KDM2B: variants seen among roughly 807,000 people sequenced by gnomAD.
KDM2B encodes lysine-specific demethylase 2B.
A neutral mutation model predicts 150.0 loss-of-function variants in KDM2B; 26 were observed. The ratio of observed to expected loss-of-function variants is 0.17; its 90% CI spans 0.13 to 0.24. The LOEUF is 0.24. KDM2B is among the 10% of genes least tolerant of loss of function. The pLI, the probability that KDM2B is intolerant of heterozygous loss-of-function variation, is 1.00. For synonymous variants in KDM2B, 734 were observed against 729.5 expected, an observed-to-expected ratio of 1.01 and a Z score of -0.10; for missense variants, 1,265 against 1,816.9, an observed-to-expected ratio of 0.70 and a Z score of 5.52.
chr12:121,439,471 C>CTTT (rs1555287595), intron 22 of KDM2B, among the ~76,000 whole-genome samples: 1 of 138,208 alleles, frequency 7.2e-6, no homozygotes, highest in African/African-American at 2.6e-5. Context: ...ACCTCCACTG[C>CTTT]CAGTTTCAAG....
chr12:121,471,913 G>A (rs1457073771), intron 12 of KDM2B, among the ~76,000 whole-genome samples: 5 of 152,176 alleles, frequency 3.3e-5, no homozygotes, highest in African/African-American at 9.7e-5. Context: ...CTTGAGGTCA[G>A]GAGTTCGAGA....
intron 22 of KDM2B, among the ~76,000 whole-genome samples, chr12:121,435,832 A>G (rs1873889408): frequency 6.6e-6 from 1 of 152,198 alleles, no homozygotes; most frequent in African/African-American, 2.4e-5. Flanking sequence ...AGGTTTCACC[A>G]AAGAAACGAC....
chr12:121,516,535 C>T, intron 9 of KDM2B: 1 of 1,432,060 alleles, frequency 7.0e-7, no homozygotes, highest in Non-Finnish European at 9.2e-7. Flanking sequence ...GGACATTAAA[C>T]ATACGGTTGC....
chr12:121,413,346 C>T, the KDM2B span, among the ~76,000 whole-genome samples: 12 of 151,156 alleles, frequency 7.9e-5, no homozygotes, highest in South Asian at 2.3e-3. Flanking sequence ...TGCTTTTAAG[C>T]ACACCATGGC....
chr12:121,483,298 A>G (rs1369991936), intron 12 of KDM2B, among the ~76,000 whole-genome samples: 3 of 151,804 alleles, frequency 2.0e-5, no homozygotes, highest in Non-Finnish European at 4.4e-5. Context: ...AACACACACC[A>G]AAGACAAGCT....
At chr12:121,428,853 G>A (rs1434099949), downstream of KDM2B, among the ~76,000 whole-genome samples, 1 of 152,168 alleles carries the variant, frequency 6.6e-6, no homozygotes, top group Admixed American at 6.5e-5. Flanking sequence ...CAAATCTGGC[G>A]AACTTTTAGG....
chr12:121,464,438 G>A (rs997974215), intron 12 of KDM2B, among the ~76,000 whole-genome samples: 3 of 152,208 alleles, frequency 2.0e-5, no homozygotes, highest in Non-Finnish European at 2.9e-5. Context: ...CGCTCACCGC[G>A]GGCCCATCCC....
Position 121,509,791 on chromosome 12 carries a change from T to C in KDM2B, c.1423A>G (p.Asn475Asp), listed in dbSNP as rs782482206. 3.7e-6 allele frequency: 6 copies of C among 1,614,138 alleles called. No individual in the cohort carries two copies. The South Asian group carries it at 5.5e-5, about 15-fold the overall frequency. Reference sequence around the variant, plus strand: ...GACTTCACACTTTCCTCCGACTCATTAGACAAAGTCCTTTTGAGGAATCGC... The same window carrying C: ...GACTTCACACTTTCCTCCGACTCATCAGACAAAGTCCTTTTGAGGAATCGC... ...ALRFLKRTLS[N>D]ESEESVKSTT... Residue 475 changes from asparagine to aspartate, a missense_variant, in exon 11 of 23, where the codon AAT becomes GAT. Transcript: ENST00000377071.
chr12:121,443,061 G>A, intron 17 of KDM2B, 31 bp from the exon 18 acceptor site: 1 of 1,592,394 alleles, frequency 6.3e-7, no homozygotes, highest in Middle Eastern at 1.7e-4. Context: ...CGCAGAGCTT[G>A]CTCCCCGGGC....
chr12:121,423,765 T>G, the KDM2B span: 2 of 569,714 alleles, frequency 3.5e-6, no homozygotes, highest in Non-Finnish European at 6.1e-6. This position sits in a 1 kb window ranked among gnomAD's most constrained non-coding sequence, Gnocchi z 4.3. Flanking sequence ...CCTGTCTGCC[T>G]GTGGACACGT....
At chr12:121,423,956 C>T in the KDM2B span, 1 of 174,108 alleles carries the variant, frequency 5.7e-6, no homozygotes, top group Non-Finnish European at 1.2e-5. The surrounding 1 kb of genome is among the most constrained non-coding windows in gnomAD (Gnocchi z 4.3). Context: ...CTTCTGTCCT[C>T]TTTGGATGAG....
chr12:121,576,827 A>G (rs952239204), intron 2 of KDM2B, among the ~76,000 whole-genome samples: 6 of 152,346 alleles, frequency 3.9e-5, no homozygotes, highest in South Asian at 2.1e-4. Flanking sequence ...AGGGAGAAGA[A>G]GAGGCCTCAG....
intron 22 of KDM2B, among the ~76,000 whole-genome samples, chr12:121,436,883 G>A (rs1035629277): frequency 2.6e-5 from 4 of 152,250 alleles, no homozygotes; most frequent in African/African-American, 7.2e-5. Flanking sequence ...GAAGGCAGAA[G>A]ATGGTGGAGC....
intron 4 of KDM2B, 60 bp downstream of exon 4, chr12:121,574,487 C>G (rs1356195861): frequency 1.4e-5 from 21 of 1,535,352 alleles, no homozygotes; most frequent in Non-Finnish European, 1.9e-5. Flanking sequence ...AGGTGGTGAC[C>G]GCCTCTTTCC....
At chr12:121,413,020 ATT>A in the KDM2B span, among the ~76,000 whole-genome samples, 1 of 133,730 alleles carries the variant, frequency 7.5e-6, no homozygotes, top group South Asian at 2.4e-4. Flanking sequence ...TGCCCAGGCT[ATT>A]TTTTTTTTCC....
the KDM2B span, among the ~76,000 whole-genome samples, chr12:121,421,887 A>G: frequency 1.3e-5 from 2 of 152,186 alleles, no homozygotes; most frequent in African/African-American, 4.8e-5. Context: ...GTCCTTTAAA[A>G]GCTGGTTATA....
the KDM2B span, chr12:121,415,207 G>C: frequency 9.2e-6 from 2 of 217,862 alleles, no homozygotes; most frequent in South Asian, 5.2e-5. Flanking sequence ...AAAAAATCTA[G>C]AGAGAGTTTC....
chr12:121,426,712 G>A (rs937318266), downstream of KDM2B, among the ~76,000 whole-genome samples: 17 of 144,640 alleles, frequency 1.2e-4, no homozygotes, highest in African/African-American at 2.3e-4. Context: ...CGCAACCTCC[G>A]CTTCCCAGGT....
chr12:121,558,450 TTTTTC>T (rs1890064251), intron 4 of KDM2B, among the ~76,000 whole-genome samples: 1 of 120,666 alleles, frequency 8.3e-6, no homozygotes, highest in African/African-American at 3.7e-5. Flanking sequence ...TTTCCTTTTC[TTTTTC>T]TTTTTTTTTT....
Sources: allele counts gnomAD v4.1 joint callset (sites outside exome capture counted in the v4.1 genomes callset), GRCh38; gene constraint gnomAD v4.1.1; non-coding constraint Gnocchi (gnomAD v3.1); transcripts MANE v1.5; gene names NCBI Gene and HGNC (gene_info 2026-07-23, HGNC 2026-07-21).